The following UST variants were observed in gnomAD, a reference collection of about 807,000 sequenced individuals.
UST encodes uronyl 2-sulfotransferase.
UST carries 21 observed loss-of-function variants against 45.6 expected under a neutral mutation model. The ratio of observed to expected loss-of-function variants is 0.46; its 90% CI spans 0.33 to 0.66. The LOEUF (loss-of-function observed/expected upper bound fraction) is 0.66. Ranked by LOEUF, UST falls within the 30% of genes least tolerant of loss-of-function variation. The pLI is 0.02. For synonymous variants in UST, 215 were observed against 200.6 expected (o/e 1.07, Z -0.61); for missense variants, 463 against 512.4 (o/e 0.90, Z 0.93).
At chr6:148,819,157 G>C (rs1777410194) in intron 1 of UST, among the ~76,000 whole-genome samples, 1 of 152,160 alleles carries the variant, frequency 6.6e-6, no homozygotes, top group Non-Finnish European at 1.5e-5. Context: ...GAAAGTAATA[G>C]ATTTCAATTT....
chr6:148,847,801 G>A (rs985460590), intron 1 of UST, among the ~76,000 whole-genome samples: 8 of 152,194 alleles, frequency 5.3e-5, no homozygotes, highest in Non-Finnish European at 8.8e-5. Flanking sequence ...CCTGTTCTGG[G>A]TAAATTATCT....
chr6:148,853,769 A>G (rs1778150732), intron 1 of UST, among the ~76,000 whole-genome samples: 2 of 152,064 alleles, frequency 1.3e-5, no homozygotes, highest in South Asian at 4.2e-4. Context: ...TTCTTTTGAG[A>G]AGTGTCTGTT....
intron 2 of UST, among the ~76,000 whole-genome samples, chr6:148,901,745 A>G (rs767336113): frequency 6.6e-6 from 1 of 151,880 alleles, no homozygotes; most frequent in African/African-American, 2.4e-5. Context: ...TTTAGTAGAG[A>G]TGGGGGTTTT....
chr6:149,024,866 C>T (rs1365349335), intron 7 of UST, among the ~76,000 whole-genome samples: 1 of 151,934 alleles, frequency 6.6e-6, no homozygotes, highest in Non-Finnish European at 1.5e-5. Flanking sequence ...TGTAGATTAA[C>T]TAACCATCTG....
At chr6:148,774,877 G>T (rs1217940271) in intron 1 of UST, among the ~76,000 whole-genome samples, 1 of 152,148 alleles carries the variant, frequency 6.6e-6, no homozygotes, top group Non-Finnish European at 1.5e-5. Context: ...AATTAGCCAG[G>T]CATGGTGGCA....
chr6:148,876,645 A>G (rs1379234778), intron 1 of UST, among the ~76,000 whole-genome samples: 1 of 152,132 alleles, frequency 6.6e-6, no homozygotes, highest in African/African-American at 2.4e-5. Context: ...TCCCTCTTGC[A>G]TAAGCGTGAT....
chr6:148,867,811 C>A (rs968407815), intron 1 of UST, among the ~76,000 whole-genome samples: 1 of 152,146 alleles, frequency 6.6e-6, no homozygotes, highest in South Asian at 2.1e-4. Context: ...TGAGAACAGA[C>A]TAATACACAC....
At chr6:148,867,501 C>G (rs145270042) in intron 1 of UST, among the ~76,000 whole-genome samples, 27 of 151,936 alleles carry the variant, frequency 1.8e-4, no homozygotes, top group Non-Finnish European at 3.4e-4. Flanking sequence ...TGGCTGTGTC[C>G]CCATCCAAAT....
At chr6:148,981,862 TTATC>T (rs1444298480) in intron 5 of UST, among the ~76,000 whole-genome samples, 1 of 152,162 alleles carries the variant, frequency 6.6e-6, no homozygotes, top group Non-Finnish European at 1.5e-5. Context: ...GGATGTGTCT[TTATC>T]TGTTTGTGCT....
chr6:148,932,852 G>A (rs923256451), intron 2 of UST, among the ~76,000 whole-genome samples: 3 of 152,226 alleles, frequency 2.0e-5, no homozygotes, highest in African/African-American at 7.2e-5. Flanking sequence ...ATATTTAGAA[G>A]TGCAGGATGC....
chr6:148,781,681 A>G (rs1257907774), intron 1 of UST, among the ~76,000 whole-genome samples: 1 of 152,146 alleles, frequency 6.6e-6, no homozygotes, highest in African/African-American at 2.4e-5. Flanking sequence ...ACAGAGGAGA[A>G]CCCGGTACCT....
At position 148,964,009 on chromosome 6, in the gene UST, C is replaced by T. The variant is rs555707354; in HGVS notation, c.528-401C>T. The stretch of plus-strand genomic sequence containing the variant: ...CCTACCAATCAACTGAAACATTCAC[C>T]GAGGGCCAATTGTGTCCCTGTGGGT... On this transcript the variant is annotated intron_variant, in intron 4 of 7. Transcript: ENST00000367463. Among the ~76,000 whole-genome samples, 5 of 152,300 alleles carry T rather than the reference C, an allele frequency of 3.3e-5. No homozygotes were observed. The South Asian group carries it at 8.3e-4, about 25-fold the overall frequency.
At chr6:148,804,199 G>A (rs935501885) in intron 1 of UST, among the ~76,000 whole-genome samples, 7 of 152,220 alleles carry the variant, frequency 4.6e-5, no homozygotes, top group African/African-American at 1.7e-4. Flanking sequence ...CGTATCAGGA[G>A]TCAGATGGAG....
chr6:148,819,864 TC>T (rs1389091129), intron 1 of UST, among the ~76,000 whole-genome samples: 2 of 152,216 alleles, frequency 1.3e-5, no homozygotes, highest in Non-Finnish European at 2.9e-5. Flanking sequence ...AGCCTTATTA[TC>T]TACACCTCCT....
chr6:148,947,243 C>T (rs979536022), intron 3 of UST, among the ~76,000 whole-genome samples: 2 of 152,064 alleles, frequency 1.3e-5, no homozygotes, highest in East Asian at 3.9e-4. Flanking sequence ...TTGGCAATGA[C>T]CTTGAGCAGT....
intron 1 of UST, among the ~76,000 whole-genome samples, chr6:148,812,617 G>GGTC (rs1777278560): frequency 6.6e-6 from 1 of 152,196 alleles, no homozygotes; most frequent in African/African-American, 2.4e-5. Flanking sequence ...CAGCCAGCAG[G>GGTC]AGACTTCAGT....
intron 1 of UST, among the ~76,000 whole-genome samples, chr6:148,849,180 C>G (rs1778057529): frequency 6.6e-6 from 1 of 152,206 alleles, no homozygotes; most frequent in South Asian, 2.1e-4. Context: ...TGAAAACACT[C>G]TCAAGGACAC....
chr6:148,911,105 C>T (rs1366597132), intron 2 of UST, among the ~76,000 whole-genome samples: 1 of 152,194 alleles, frequency 6.6e-6, no homozygotes, highest in Admixed American at 6.5e-5. Flanking sequence ...TGCATCCCCC[C>T]TTGCCCTGAC....
chr6:148,784,058 C>T (rs1304381820), intron 1 of UST, among the ~76,000 whole-genome samples: 2 of 152,018 alleles, frequency 1.3e-5, no homozygotes, highest in East Asian at 1.9e-4. Flanking sequence ...CGGCATATCA[C>T]GAAACCCCAA....
Sources: allele counts gnomAD v4.1 joint callset (sites outside exome capture counted in the v4.1 genomes callset), GRCh38; gene constraint gnomAD v4.1.1; transcripts MANE v1.5; gene names NCBI Gene and HGNC (gene_info 2026-07-23, HGNC 2026-07-21).